The following TUSC3 variants were observed in gnomAD, a reference collection of about 807,000 sequenced individuals.
TUSC3 encodes the protein dolichyl-diphosphooligosaccharide--protein glycosyltransferase subunit TUSC3.
TUSC3 carries 45 observed loss-of-function variants against 44.8 expected under a neutral mutation model. The ratio of observed to expected loss-of-function variants is 1.00; its 90% confidence interval spans 0.79 to 1.29. The LOEUF (loss-of-function observed/expected upper bound fraction) is 1.29. Ranked by LOEUF, TUSC3 falls within the 50% of genes most tolerant of loss-of-function variation. The probability of loss-of-function intolerance (pLI) is 0.00; values close to 1 mark genes in which losing one functional copy is unlikely to be tolerated. For missense variants in TUSC3, 519 were observed against 437.9 expected (o/e 1.19, Z -1.65); for synonymous variants, 212 against 152.9 (o/e 1.39, Z -2.85).
At chr8:15,751,487 TCAA>T (rs1811701806) in intron 9 of TUSC3, among the ~76,000 whole-genome samples, 1 of 152,166 alleles carries the variant, frequency 6.6e-6, no homozygotes, top group South Asian at 2.1e-4. Flanking sequence ...TCTCACTCTC[TCAA>T]CATGATTTTG....
At chr8:15,749,983 A>AT (rs34525756) in intron 9 of TUSC3, among the ~76,000 whole-genome samples, 14,990 of 139,576 alleles carry the variant, frequency 0.11, 883 homozygotes, top group Non-Finnish European at 0.14. Flanking sequence ...ATACTGTGAG[A>AT]TTTTTTTTTT....
chr8:15,497,549 G>A (rs1261795862), intron 2 of TUSC3, among the ~76,000 whole-genome samples: 1 of 152,064 alleles, frequency 6.6e-6, no homozygotes, highest in African/African-American at 2.4e-5. Context: ...TCTTCGGAGG[G>A]GTGGCATTTA....
chr8:15,821,803 A>G, the TUSC3 span, among the ~76,000 whole-genome samples: 1 of 152,134 alleles, frequency 6.6e-6, no homozygotes, highest in African/African-American at 2.4e-5. Flanking sequence ...TTTGTTCACA[A>G]ATTTTTATTG....
At chr8:15,663,086 T>G (rs1452212442) in intron 5 of TUSC3, among the ~76,000 whole-genome samples, 2 of 151,838 alleles carry the variant, frequency 1.3e-5, no homozygotes, top group East Asian at 3.9e-4. Context: ...CGAAACTCAT[T>G]AGGATTTTAT....
At chr8:15,756,570 T>TA (rs1811936851) in intron 9 of TUSC3, among the ~76,000 whole-genome samples, 2 of 152,234 alleles carry the variant, frequency 1.3e-5, no homozygotes, top group Non-Finnish European at 2.9e-5. Context: ...GTGTCTTTGA[T>TA]AAAAACCTTT....
At chr8:15,775,639 T>TTC in the TUSC3 span, among the ~76,000 whole-genome samples, 1 of 114,494 alleles carries the variant, frequency 8.7e-6, no homozygotes, top group Non-Finnish European at 1.9e-5. Flanking sequence ...GACACATATA[T>TTC]ATATATATAT....
chr8:15,513,670 A>C (rs574235346), intron 2 of TUSC3, among the ~76,000 whole-genome samples: 1 of 152,294 alleles, frequency 6.6e-6, no homozygotes, highest in East Asian at 1.9e-4. Flanking sequence ...AATGAGTTAC[A>C]GTCGTTTTGG....
intron 2 of TUSC3, among the ~76,000 whole-genome samples, chr8:15,492,811 T>C (rs1250207069): frequency 6.6e-6 from 1 of 152,002 alleles, no homozygotes; most frequent in Non-Finnish European, 1.5e-5. Flanking sequence ...TAATATGTCA[T>C]TTAACAATAT....
chr8:15,833,836 A>C, the TUSC3 span, among the ~76,000 whole-genome samples: 1 of 67,584 alleles, frequency 1.5e-5, no homozygotes, highest in East Asian at 3.8e-4. Context: ...CCCTGAACTT[A>C]AAAGTTAAAA....
the TUSC3 span, among the ~76,000 whole-genome samples, chr8:15,808,429 T>G: frequency 6.6e-6 from 1 of 152,200 alleles, no homozygotes; most frequent in East Asian, 1.9e-4. Flanking sequence ...TTACTATCAG[T>G]GAGAGTTTTT....
chr8:15,631,668 T>TGTG, intron 2 of TUSC3, among the ~76,000 whole-genome samples: 1 of 145,210 alleles, frequency 6.9e-6, no homozygotes, highest in East Asian at 2.1e-4. Context: ...TTTAAGGCTG[T>TGTG]TGTGTGTGTG....
chr8:15,483,804 A>C (rs1345195809), intron 2 of TUSC3, among the ~76,000 whole-genome samples: 7 of 151,336 alleles, frequency 4.6e-5, no homozygotes, highest in African/African-American at 1.5e-4. Context: ...TACAGGCGCC[A>C]GCCACAATGC....
chr8:15,522,136 G>A (rs1254251371), intron 2 of TUSC3, among the ~76,000 whole-genome samples: 3 of 152,118 alleles, frequency 2.0e-5, no homozygotes, highest in South Asian at 2.1e-4. Context: ...AGGGAATCAG[G>A]TCAAGAGTTT....
chr8:15,581,730 A>C (rs1260468822), intron 1 of TUSC3, among the ~76,000 whole-genome samples: 2 of 132,186 alleles, frequency 1.5e-5, no homozygotes, highest in Middle Eastern at 3.7e-3. Flanking sequence ...AAGCTGTCAG[A>C]CAGGGACCCT....
chr8:15,610,236 G>T (rs1007873500), intron 1 of TUSC3, among the ~76,000 whole-genome samples: 7 of 152,012 alleles, frequency 4.6e-5, no homozygotes, highest in Admixed American at 1.3e-4. Flanking sequence ...TACATTCATT[G>T]ATCCGATTTT....
intron 6 of TUSC3, among the ~76,000 whole-genome samples, chr8:15,712,123 A>AT: frequency 6.6e-6 from 1 of 152,106 alleles, no homozygotes. Flanking sequence ...GTACAATCTT[A>AT]TTTTACAAGT....
chr8:15,529,404 T>C (rs1407302978), intron 2 of TUSC3, among the ~76,000 whole-genome samples: 1 of 152,122 alleles, frequency 6.6e-6, no homozygotes, highest in Non-Finnish European at 1.5e-5. Flanking sequence ...TAAGTTGAGG[T>C]TTATCAATAT....
At chr8:15,843,286 T>G in the TUSC3 span, among the ~76,000 whole-genome samples, 1 of 152,188 alleles carries the variant, frequency 6.6e-6, no homozygotes, top group Admixed American at 6.6e-5. Flanking sequence ...ATATGTTTTC[T>G]GATAAAAGTT....
chr8:15,735,910 A>G (rs1418948434), intron 7 of TUSC3, among the ~76,000 whole-genome samples: 4 of 121,292 alleles, frequency 3.3e-5, no homozygotes, highest in South Asian at 2.5e-4. Flanking sequence ...TTGTATTTTT[A>G]GTAGAGACGG....
Sources: gnomAD v4.1 joint callset for allele counts (sites outside exome capture counted in the v4.1 genomes callset) on GRCh38, gnomAD v4.1.1 for gene constraint, MANE v1.5 for transcripts, NCBI Gene and HGNC (gene_info 2026-07-23, HGNC 2026-07-21) for gene names.